ISL2: variants seen among roughly 807,000 people sequenced by gnomAD.
ISL2 encodes the protein insulin gene enhancer protein ISL-2.
In ISL2, 17 loss-of-function variants were observed where a neutral mutation model predicts 34.6. The ratio of observed to expected loss-of-function variants is 0.49; its 90% confidence interval spans 0.34 to 0.74. The LOEUF is 0.74. Ranked by LOEUF, ISL2 falls within the 30% of genes least tolerant of loss-of-function variation. The pLI is 0.01. For missense variants in ISL2, 469 were observed against 515.2 expected (o/e 0.91, Z 0.87); for synonymous variants, 232 against 225.5 (o/e 1.03, Z -0.26).
chr15:76,338,792 G>C (rs538264706), intron 3 of ISL2: 1 of 985,150 alleles, frequency 1.0e-6, no homozygotes, highest in South Asian at 4.7e-5. Context: ...ACAGTGCTAG[G>C]AGCAGAAGAG....
In ISL2 at chr15:76,337,725, G is replaced by A. The variant is rs934303959; in HGVS notation, c.59-53G>A. On this transcript the variant is annotated intron_variant, in intron 1 of 5. Coordinates refer to ENST00000290759, the MANE Select transcript of ISL2 (RefSeq NM_145805.3). ...GGTTGGGGCTGGAGTAGCCGAGGCC[G>A]GCCTGGGTCCGGGCAGTCAGGCCTG... 2.0e-6 allele frequency: 3 copies of A among 1,473,276 alleles called. No individual in the cohort carries two copies. In the African/African-American group the frequency reaches 4.3e-5, roughly 21 times the overall value. The allele number at this position is 1,473,276 out of a possible 1,614,324, so 91.3% of individuals were successfully genotyped here. A position where few individuals can be genotyped will look rare whatever the true frequency, so the allele number is the denominator to read the frequency against.
At chr15:76,338,621 C>T (rs773589758) in intron 3 of ISL2, 107 bp downstream of exon 3, 75 of 1,238,222 alleles carry the variant, frequency 6.1e-5, no homozygotes, top group Non-Finnish European at 7.2e-5. Context: ...TGTGTGGTTC[C>T]GTCTGCCGGG....
rs1482762664 is a variant in ISL2, at chr15:76,337,801, G to A, written c.82G>A (p.Val28Met). 1.2e-6 allele frequency: 2 copies of A among 1,604,054 alleles called. No homozygotes were observed. Among genetic ancestry groups the A allele is most frequent in the Non-Finnish European group, 1.7e-6 (2 of 1,174,534 alleles). Residue 28 changes from valine to methionine, a missense_variant, in exon 2 of 6, where the codon GTG becomes ATG. By Grantham distance (21) the Val-to-Met change is conservative. This residue lies in a region of ISL2 where 297 missense variants were observed against 337.8 expected (regional missense o/e 0.88). Transcript: ENST00000290759. ...SKKKPGTAMCVGCGSQIHDQF... is the reference protein window; with the variant it reads ...SKKKPGTAMCMGCGSQIHDQF... ...AGAGAAGCCCGGGACGGCCATGTGC[G>A]TGGGCTGCGGGAGTCAGATCCACGA...
intron 1 of ISL2, 79 bp downstream of exon 1, chr15:76,337,020 TAGTGGATTCTACA>T: frequency 2.3e-6 from 3 of 1,279,656 alleles, no homozygotes; most frequent in Non-Finnish European, 3.4e-6. Context: ...GAAAAATGTT[TAGTGGATTCTACA>T]AGTGGCTTCT....
chr15:76,338,172 G>T, intron 2 of ISL2, 80 bp from the exon 3 acceptor site: 1 of 1,473,404 alleles, frequency 6.8e-7, no homozygotes, highest in Non-Finnish European at 9.0e-7. Flanking sequence ...TGTCCTGGGC[G>T]CGCGCCGGAG....
chr15:76,338,784 AGT>A (rs1295746787), intron 3 of ISL2: 3 of 985,324 alleles, frequency 3.0e-6, no homozygotes, highest in Non-Finnish European at 3.6e-6. Flanking sequence ...TGCAGGGCAC[AGT>A]GCTAGGAGCA....
chr15:76,340,558 C>T lies in ISL2; in HGVS notation c.794C>T (p.Thr265Met), dbSNP rs867957482. 5 of 1,602,282 alleles carry T rather than the reference C, an allele frequency of 3.1e-6. No individual in the cohort carries two copies. In the South Asian group the frequency reaches 3.3e-5, roughly 11 times the overall value. The change falls in exon 4 of 6, where the codon ACG becomes ATG. Residue 265 changes from threonine to methionine, a missense_variant and splice_region_variant. Physicochemically the swap from Thr to Met is moderately conservative, Grantham distance 81. Transcript: ENST00000290759. ...QLQQQQHSDKTSLQGLTGTPL... is the reference protein window; with the variant it reads ...QLQQQQHSDKMSLQGLTGTPL... ...CAGCAGCAGCAGCACAGCGACAAGA[C>T]GGTGAGCAGCCGCTGGGCCGGAGGC...
Position 76,339,767 on chromosome 15 carries a change from A to G in ISL2, c.512-509A>G, listed in dbSNP as rs374347203. ...TACACATGTGGCCTGGCCCTGTCCA[A>G]ATGGGCTCTGAAGGAGGGGAAGGGC... On this transcript the variant is annotated intron_variant, in intron 3 of 5. Transcript: ENST00000290759. 2.0e-5 allele frequency: 20 copies of G among 992,664 alleles called. No homozygotes were observed. In the East Asian group the frequency reaches 8.9e-4, roughly 44 times the overall value. The allele number at this position is 992,664 out of a possible 1,614,324, so 61.5% of individuals were successfully genotyped here. A position where few individuals can be genotyped will look rare whatever the true frequency, so the allele number is the denominator to read the frequency against.
chr15:76,341,004 G>T, intron 4 of ISL2, 130 bp from the exon 5 acceptor site: 1 of 908,480 alleles, frequency 1.1e-6, no homozygotes, highest in Non-Finnish European at 1.6e-6. Flanking sequence ...CTTCCGATGC[G>T]ATCGAGTGTG....
rs1276550940 is a variant in ISL2, at chr15:76,338,800, G to C, written c.511+286G>C. The C allele has an allele frequency of 4.1e-6, 4 of 985,316 alleles. No homozygotes were observed. The African/African-American group carries it at 7.0e-5, about 17-fold the overall frequency. The allele number at this position is 985,316 out of a possible 1,614,324, so 61.0% of individuals were successfully genotyped here. A position where few individuals can be genotyped will look rare whatever the true frequency, so the allele number is the denominator to read the frequency against. On this transcript the variant is annotated intron_variant, in intron 3 of 5. Transcript: ENST00000290759. The stretch of plus-strand genomic sequence containing the variant: ...GCAGGGCACAGTGCTAGGAGCAGAA[G>C]AGTGGATGACAACAGGGAATCTTAA...
rs762891048 is a variant in ISL2, at chr15:76,338,409, G to A, written c.406G>A (p.Glu136Lys). The change falls in exon 3 of 6, where the codon GAG becomes AAG. Residue 136 changes from glutamate (E) to lysine (K), a missense_variant. By Grantham distance (56) the Glu-to-Lys change is moderately conservative. Around this residue, in one of 3 missense-constraint regions of ISL2, gnomAD observed 297 missense variants for 337.8 expected, o/e 0.88. Transcript: ENST00000290759. ...PGDEFSLREH[E>K]LLCRADHGLL... ...GGACGAGTTCTCGCTGCGGGAGCAC[G>A]AGCTGCTCTGCCGCGCCGACCACGG... is the stretch of plus-strand genomic sequence containing the variant. The A allele has an allele frequency of 8.5e-6, 13 of 1,522,938 alleles. No individual in the cohort carries two copies. The South Asian group carries it at 1.2e-4, about 14-fold the overall frequency. 94.3% of individuals were successfully genotyped at this position (1,522,938 alleles called of 1,614,324 possible). A position where few individuals can be genotyped will look rare whatever the true frequency, so the allele number is the denominator to read the frequency against.
intron 4 of ISL2, 84 bp downstream of exon 4, chr15:76,340,643 C>A: frequency 7.3e-7 from 1 of 1,375,016 alleles, no homozygotes; most frequent in Non-Finnish European, 1.0e-6. Context: ...TCTGGGCGAG[C>A]CCTGGGAGAT....
In ISL2 at chr15:76,342,019, C is replaced by T; in HGVS notation, c.*184C>T. On this transcript the variant is annotated 3_prime_UTR_variant, in exon 6 of 6. Transcript: ENST00000290759. ...GCGCCAGGATGCAACCTGCTTTCAC[C>T]AGACTGCAGACCCCTGCTCCGAGGA... The T allele has an allele frequency of 1.7e-6, 1 of 588,346 alleles. No homozygotes were observed. Among genetic ancestry groups the T allele is most frequent in the South Asian group, 2.1e-5 (1 of 47,734 alleles). 36.4% of individuals were successfully genotyped at this position (588,346 alleles called of 1,614,324 possible). A position where few individuals can be genotyped will look rare whatever the true frequency, so the allele number is the denominator to read the frequency against.
intron 3 of ISL2, chr15:76,339,993 C>G: frequency 1.6e-6 from 2 of 1,278,620 alleles, no homozygotes; most frequent in African/African-American, 3.1e-5. Flanking sequence ...TGAGCAGCCA[C>G]TCCCTCCCCG....
chr15:76,339,494 C>T (rs1032927211), intron 3 of ISL2: 1 of 985,494 alleles, frequency 1.0e-6, no homozygotes, highest in African/African-American at 1.7e-5. Flanking sequence ...CTCGGAGAGG[C>T]TCCCCTTTGT....
rs766568110 is a variant in ISL2 at position 76,341,183 on chromosome 15, G to A, written c.845G>A (p.Arg282His). The change falls in exon 5 of 6, where the codon CGC becomes CAC. Residue 282 changes from arginine (R) to histidine (H), a missense_variant. Arg to His is a conservative substitution (Grantham distance 29, BLOSUM62 0). Transcript: ENST00000290759. ...CCCCTGGTGGCGGGCAGTCCCATCC[G>A]CCATGAGAACGCCGTGCAGGGCAGC... ...GTPLVAGSPI[R>H]HENAVQGSAV... is the part of the protein sequence containing the mutation. 1 of 1,612,766 alleles carries A rather than the reference G, an allele frequency of 6.2e-7. No homozygotes were observed. The highest frequency in any genetic ancestry group is 8.5e-7 in the Non-Finnish European group (1 of 1,179,904).
Position 76,338,478 on chromosome 15 carries a change from G to A in ISL2, c.475G>A (p.Gly159Ser). 1 of 1,323,002 alleles carries A rather than the reference G, an allele frequency of 7.6e-7. No homozygotes were observed. The highest frequency in any genetic ancestry group is 9.6e-7 in the Non-Finnish European group (1 of 1,045,206). The allele number at this position is 1,323,002 out of a possible 1,614,324, so 82.0% of individuals were successfully genotyped here. The change falls in exon 3 of 6, where the codon GGC becomes AGC. Residue 159 changes from glycine (G) to serine (S), a missense_variant. This residue lies in a region of ISL2 where 297 missense variants were observed against 337.8 expected (regional missense o/e 0.88). Coordinates refer to ENST00000290759, the MANE Select transcript of ISL2 (RefSeq NM_145805.3). ...CGCGGCCGGCAGCCCGCGCAGCCCC[G>A]GCCCGCTTCCCGGCGCCCGCGGCCT... is the stretch of plus-strand genomic sequence containing the variant. Reference protein sequence around the residue: ...RAAAGSPRSPGPLPGARGLHL... With the variant: ...RAAAGSPRSPSPLPGARGLHL...
Position 76,341,237 on chromosome 15 carries a change from C to A in ISL2, c.899C>A (p.Pro300Gln), listed in dbSNP as rs546988102. 3.7e-6 allele frequency: 6 copies of A among 1,611,506 alleles called. No individual in the cohort carries two copies. The highest frequency in any genetic ancestry group is 5.1e-6 in the Non-Finnish European group (6 of 1,179,290). ...SAVEVQTYQPPWKALSEFALQ... is the reference protein window; with the variant it reads ...SAVEVQTYQPQWKALSEFALQ... The stretch of plus-strand genomic sequence containing the variant: ...GTGGAGGTGCAGACGTACCAGCCGC[C>A]GTGGAAGGCGCTCAGCGAGTTTGCC... Residue 300 changes from proline to glutamine, a missense_variant, in exon 5 of 6, where the codon CCG becomes CAG. Coordinates refer to ENST00000290759, the MANE Select transcript of ISL2 (RefSeq NM_145805.3).
Position 76,341,712 on chromosome 15 carries a change from G to A in ISL2, c.964-7G>A. The A allele has an allele frequency of 1.2e-6, 2 of 1,603,262 alleles. No individual in the cohort carries two copies. Among genetic ancestry groups the A allele is most frequent in the Non-Finnish European group, 8.5e-7 (1 of 1,170,370 alleles). On this transcript the variant is annotated splice_region_variant and splice_polypyrimidine_tract_variant and intron_variant, in intron 5 of 5. Coordinates refer to ENST00000290759, the MANE Select transcript of ISL2 (RefSeq NM_145805.3). ...CCTGCCTCTTCCCGGTGTTTCCGCCGCCCCAGGTCTCCTTCTCCGAGTCCG... is the reference window on the plus strand; with the variant it reads ...CCTGCCTCTTCCCGGTGTTTCCGCCACCCCAGGTCTCCTTCTCCGAGTCCG...
Sources: allele counts gnomAD v4.1 joint callset, GRCh38; gene constraint gnomAD v4.1.1; regional missense constraint gnomAD v4.1.1; transcripts MANE v1.5; gene names NCBI Gene and HGNC (gene_info 2026-07-23, HGNC 2026-07-21).